The following MARCHF8 variants were observed in gnomAD, a reference collection of about 807,000 sequenced individuals.
The protein encoded by MARCHF8 is membrane associated ring-CH-type finger 8, also known as E3 ubiquitin-protein ligase MARCHF8.
Under a neutral mutation model 51.6 loss-of-function variants are expected in MARCHF8, and 40 were observed. The ratio of observed to expected loss-of-function variants is 0.77; its 90% CI spans 0.60 to 1.01. MARCHF8 has a LOEUF of 1.01. Among genes scored for constraint, MARCHF8 ranks in the 50% least tolerant of loss-of-function variants. MARCHF8 has a pLI of 0.00. For missense variants in MARCHF8, 685 were observed against 708.6 expected, an observed-to-expected ratio of 0.97 and a Z score of 0.38; for synonymous variants, 263 against 280.3, an observed-to-expected ratio of 0.94 and a Z score of 0.62.
rs529879554 is a variant in MARCHF8 at position 45,455,953 on chromosome 10, T to C, written c.*2286A>G. On this transcript the variant is annotated 3_prime_UTR_variant, in exon 8 of 8. Transcript: ENST00000453424. ...TTGCCATAGTGGGGTGCCAGCTACA[T>C]TGGGTGGGATGCCCAGGGGCTGTCC... 4.6e-5 allele frequency: 7 copies of C among 152,366 alleles called. No homozygotes were observed. Among genetic ancestry groups the C allele is most frequent in the African/African-American group, 1.2e-4 (5 of 41,572 alleles). The allele number at this position is 152,366 out of a possible 1,614,324, so 9.4% of individuals were successfully genotyped here. A position where few individuals can be genotyped will look rare whatever the true frequency, so the allele number is the denominator to read the frequency against.
intron 1 of MARCHF8, among the ~76,000 whole-genome samples, chr10:45,544,998 A>G (rs1490999680): frequency 6.6e-6 from 1 of 152,014 alleles, no homozygotes; most frequent in East Asian, 1.9e-4. Context: ...GCCTATATAT[A>G]TGGTATTCTC....
intron 1 of MARCHF8, among the ~76,000 whole-genome samples, chr10:45,557,230 C>T (rs2044262349): frequency 1.4e-5 from 2 of 146,932 alleles, no homozygotes. Context: ...CTGGGTCAAG[C>T]GATTCTCCTT....
At chr10:45,487,093 G>C (rs1311512377) in intron 3 of MARCHF8, among the ~76,000 whole-genome samples, 2 of 152,012 alleles carry the variant, frequency 1.3e-5, no homozygotes, top group Non-Finnish European at 2.9e-5. Context: ...TTACAGGTGT[G>C]AGCCACCACG....
At chr10:45,465,101 G>C (rs1167527727) in intron 3 of MARCHF8, among the ~76,000 whole-genome samples, 4 of 152,088 alleles carry the variant, frequency 2.6e-5, no homozygotes, top group African/African-American at 9.7e-5. Context: ...GAGAGAAATG[G>C]ACAGAGAGAA....
chr10:45,550,404 T>C (rs532926379), intron 1 of MARCHF8, among the ~76,000 whole-genome samples: 2 of 152,300 alleles, frequency 1.3e-5, no homozygotes, highest in African/African-American at 2.4e-5. Flanking sequence ...CCAAAGTTTG[T>C]AACAGAAAAA....
intron 3 of MARCHF8, among the ~76,000 whole-genome samples, chr10:45,482,883 C>T (rs71494791): frequency 0.049 from 7,496 of 152,168 alleles, 259 homozygotes; most frequent in Non-Finnish European, 0.067. Flanking sequence ...CAAAAACATG[C>T]GTTAGGGAAA....
chr10:45,492,771 G>A (rs990542376), intron 2 of MARCHF8, among the ~76,000 whole-genome samples: 6 of 152,168 alleles, frequency 3.9e-5, no homozygotes, highest in African/African-American at 1.4e-4. Context: ...CATAGAATAT[G>A]GACCAAAATC....
upstream of MARCHF8, among the ~76,000 whole-genome samples, chr10:45,538,217 A>G (rs1252246071): frequency 6.6e-6 from 1 of 152,236 alleles, no homozygotes; most frequent in Non-Finnish European, 1.5e-5. Context: ...CAGCCAAACT[A>G]AGCTTTGTAA....
At chr10:45,567,034 T>A (rs537736365) in intron 1 of MARCHF8, among the ~76,000 whole-genome samples, 1 of 152,374 alleles carries the variant, frequency 6.6e-6, no homozygotes, top group East Asian at 1.9e-4. Context: ...TGATTGATGT[T>A]GAGCACCTTT....
intron 1 of MARCHF8, among the ~76,000 whole-genome samples, chr10:45,592,258 C>A (rs904388648): frequency 6.6e-6 from 1 of 152,158 alleles, no homozygotes; most frequent in Admixed American, 6.5e-5. Context: ...TTCAATACAG[C>A]AAAGACAAAG....
intron 1 of MARCHF8, among the ~76,000 whole-genome samples, chr10:45,540,667 C>T (rs559857930): frequency 5.9e-5 from 9 of 152,300 alleles, no homozygotes; most frequent in Admixed American, 1.3e-4. Flanking sequence ...GCAATCTACT[C>T]AGCTGACAAA....
intron 2 of MARCHF8, among the ~76,000 whole-genome samples, chr10:45,507,586 C>T (rs1204789976): frequency 1.3e-5 from 2 of 152,122 alleles, no homozygotes; most frequent in African/African-American, 4.8e-5. Flanking sequence ...TTATGCATTA[C>T]CCAGAGGAGG....
intron 1 of MARCHF8, among the ~76,000 whole-genome samples, chr10:45,541,010 G>A (rs2044044258): frequency 6.6e-6 from 1 of 152,176 alleles, no homozygotes; most frequent in African/African-American, 2.4e-5. Flanking sequence ...AGTCAGTGTG[G>A]CGATTCCCCA....
chr10:45,489,906 A>G (rs983309833), intron 2 of MARCHF8, among the ~76,000 whole-genome samples: 1 of 152,158 alleles, frequency 6.6e-6, no homozygotes, highest in Non-Finnish European at 1.5e-5. Context: ...TGAATACTCA[A>G]TCGGGATATC....
intron 1 of MARCHF8, among the ~76,000 whole-genome samples, chr10:45,558,439 TAAG>T (rs1458194138): frequency 1.3e-5 from 2 of 152,212 alleles, no homozygotes; most frequent in Non-Finnish European, 2.9e-5. Flanking sequence ...TGATTTGTTC[TAAG>T]AAGAACAATC....
At chr10:45,576,273 A>G (rs182437462) in intron 1 of MARCHF8, among the ~76,000 whole-genome samples, 31 of 152,346 alleles carry the variant, frequency 2.0e-4, no homozygotes, top group African/African-American at 6.3e-4. Context: ...TTGCTTTTCA[A>G]CAAATAGTGC....
chr10:45,491,749 A>C (rs1390534412), intron 2 of MARCHF8, among the ~76,000 whole-genome samples: 2 of 152,180 alleles, frequency 1.3e-5, no homozygotes, highest in Admixed American at 6.5e-5. Flanking sequence ...CTTACTATTA[A>C]ATTTTAGTGT....
At chr10:45,462,741 T>C (rs1842831024) in intron 5 of MARCHF8, among the ~76,000 whole-genome samples, 2 of 152,052 alleles carry the variant, frequency 1.3e-5, no homozygotes, top group Non-Finnish European at 2.9e-5. Flanking sequence ...TTCTCCTGCC[T>C]CAGCCTCCTG....
chr10:45,508,841 ATTGACT>A (rs2043438900), intron 2 of MARCHF8, among the ~76,000 whole-genome samples: 1 of 152,082 alleles, frequency 6.6e-6, no homozygotes, highest in African/African-American at 2.4e-5. Context: ...AAATTTTTTT[ATTGACT>A]TTATTATCTT....
Sources: gnomAD v4.1 joint callset for allele counts (sites outside exome capture counted in the v4.1 genomes callset) on GRCh38, gnomAD v4.1.1 for gene constraint, MANE v1.5 for transcripts, NCBI Gene and HGNC (gene_info 2026-07-23, HGNC 2026-07-21) for gene names.